TMEM267: variants seen among roughly 807,000 people sequenced by gnomAD.
The protein encoded by TMEM267 is transmembrane protein 267.
A neutral mutation model predicts 19.3 loss-of-function variants in TMEM267; 20 were observed. The ratio of observed to expected loss-of-function variants is 1.04; its 90% CI spans 0.73 to 1.51. The LOEUF is 1.51. Among genes scored for constraint, TMEM267 ranks in the 40% most tolerant of loss-of-function variants. The probability of loss-of-function intolerance (pLI) is 0.00; values close to 1 mark genes in which losing one functional copy is unlikely to be tolerated. For synonymous variants in TMEM267, 88 were observed against 90.3 expected (o/e 0.97, Z 0.15); for missense variants, 242 against 261.9 (o/e 0.92, Z 0.52).
chr5:43,459,695 CA>C, intron 1 of TMEM267, among the ~76,000 whole-genome samples: 1 of 152,136 alleles, frequency 6.6e-6, no homozygotes, highest in East Asian at 1.9e-4. Flanking sequence ...ACAACAGCAG[CA>C]AAAAATTAAG....
At chr5:43,465,336 G>A (rs1256126190) in intron 1 of TMEM267, among the ~76,000 whole-genome samples, 1 of 152,236 alleles carries the variant, frequency 6.6e-6, no homozygotes, top group East Asian at 1.9e-4. Context: ...TGGATGTGGA[G>A]AAATAGGGAC....
chr5:43,448,309 C>A (rs748070313), intron 2 of TMEM267, among the ~76,000 whole-genome samples: 8 of 152,148 alleles, frequency 5.3e-5, no homozygotes, highest in Non-Finnish European at 1.2e-4. Flanking sequence ...TTTGTCTTCA[C>A]CTTTGTTTTT....
chr5:43,482,866 G>A (rs1744873015), intron 1 of TMEM267, among the ~76,000 whole-genome samples: 1 of 152,148 alleles, frequency 6.6e-6, no homozygotes, highest in Non-Finnish European at 1.5e-5. Context: ...ACGCTATCAT[G>A]TATTGTTTGC....
At chr5:43,467,852 A>G (rs1349593338) in intron 1 of TMEM267, among the ~76,000 whole-genome samples, 4 of 152,168 alleles carry the variant, frequency 2.6e-5, no homozygotes, top group African/African-American at 9.7e-5. Context: ...CAGAAACTCA[A>G]AAGAATGCAA....
intron 1 of TMEM267, among the ~76,000 whole-genome samples, chr5:43,478,083 G>A (rs571658162): frequency 6.6e-4 from 101 of 152,274 alleles, no homozygotes; most frequent in Non-Finnish European, 1.3e-3. Flanking sequence ...CAATAGATTG[G>A]AAGAGGAACC....
chr5:43,464,515 A>G (rs1743500696), intron 1 of TMEM267, among the ~76,000 whole-genome samples: 1 of 152,296 alleles, frequency 6.6e-6, no homozygotes. Context: ...CTAAGCCAAA[A>G]GAACAAAGCC....
At chr5:43,456,761 G>A (rs958486091) in intron 1 of TMEM267, among the ~76,000 whole-genome samples, 4 of 152,228 alleles carry the variant, frequency 2.6e-5, no homozygotes, top group Non-Finnish European at 1.5e-5. Context: ...TGTTGACAAA[G>A]ATGTGGAGCA....
chr5:43,470,312 T>C (rs1159413399), intron 1 of TMEM267, among the ~76,000 whole-genome samples: 1 of 152,162 alleles, frequency 6.6e-6, no homozygotes. Flanking sequence ...CCAAACAATT[T>C]TTGTATTTTT....
At chr5:43,458,643 T>C (rs1022103400) in intron 1 of TMEM267, among the ~76,000 whole-genome samples, 3 of 152,164 alleles carry the variant, frequency 2.0e-5, no homozygotes, top group African/African-American at 7.2e-5. Flanking sequence ...TATCAAACTG[T>C]ATATTTTAAA....
chr5:43,450,301 TTTA>T (rs1394507199), intron 2 of TMEM267, among the ~76,000 whole-genome samples: 3 of 152,160 alleles, frequency 2.0e-5, no homozygotes, highest in Non-Finnish European at 4.4e-5. Flanking sequence ...CTTTGATTTT[TTTA>T]TTAATAGAAA....
chr5:43,459,639 AC>A (rs1477592985), intron 1 of TMEM267, among the ~76,000 whole-genome samples: 1 of 152,248 alleles, frequency 6.6e-6, no homozygotes, highest in Non-Finnish European at 1.5e-5. Context: ...TAAAATATTC[AC>A]ATCACAGTAA....
At position 43,483,509 on chromosome 5, in the gene TMEM267, C is replaced by G. The variant is rs1471046619; in HGVS notation, c.-75+313G>C. ...ACCCCACCCTGGGCCAGAAAAAGGC[C>G]AGGGGCGCGGAGCGTAGGCGGAGGG... is the stretch of plus-strand genomic sequence containing the variant. On this transcript the variant is annotated intron_variant, in intron 1 of 2. Coordinates refer to ENST00000397080, the MANE Select transcript of TMEM267 (RefSeq NM_022483.5). Among the ~76,000 whole-genome samples, 6 of 152,302 alleles carry G rather than the reference C, an allele frequency of 3.9e-5. 1 individual carries two copies. The highest frequency in any genetic ancestry group is 1.4e-4 in the African/African-American group (6 of 41,570).
At chr5:43,471,326 G>C (rs1744050486) in intron 1 of TMEM267, among the ~76,000 whole-genome samples, 1 of 151,940 alleles carries the variant, frequency 6.6e-6, no homozygotes, top group Non-Finnish European at 1.5e-5. Context: ...CATGTTCATG[G>C]ACTGGAGGAA....
intron 1 of TMEM267, among the ~76,000 whole-genome samples, chr5:43,474,361 A>G (rs1357135385): frequency 6.6e-6 from 1 of 152,190 alleles, no homozygotes; most frequent in Admixed American, 6.5e-5. Context: ...AATCTATCCA[A>G]CTGAAAAAGG....
In TMEM267 at chr5:43,451,549, A is replaced by T. The variant is rs898668163; in HGVS notation, c.312+2109T>A. Among the ~76,000 whole-genome samples, 6 of 152,310 alleles carry T rather than the reference A, an allele frequency of 3.9e-5. No individual in the cohort carries two copies. In the South Asian group the frequency reaches 1.2e-3, roughly 32 times the overall value. ...AAATGCAAATTAAAACCACAATGAG[A>T]TGCCATCACACACCATCAGAATGGC... On this transcript the variant is annotated intron_variant, in intron 2 of 2. Transcript: ENST00000397080.
At chr5:43,460,845 A>T (rs1743214799) in intron 1 of TMEM267, among the ~76,000 whole-genome samples, 2 of 152,210 alleles carry the variant, frequency 1.3e-5, no homozygotes, top group African/African-American at 4.8e-5. Context: ...CTCGCCACTG[A>T]GGGCTACAGT....
intron 1 of TMEM267, among the ~76,000 whole-genome samples, chr5:43,468,507 T>C (rs374347836): frequency 6.6e-6 from 1 of 151,880 alleles, no homozygotes; most frequent in Non-Finnish European, 1.5e-5. Context: ...AAAAACAGGG[T>C]TAGTAAAAGT....
intron 1 of TMEM267, among the ~76,000 whole-genome samples, chr5:43,467,285 C>G (rs1333460939): frequency 6.6e-6 from 1 of 151,646 alleles, no homozygotes; most frequent in Admixed American, 6.6e-5. Flanking sequence ...AATCAAAAGC[C>G]ATAGACTGGC....
intron 2 of TMEM267, among the ~76,000 whole-genome samples, chr5:43,448,642 G>A (rs866049293): frequency 5.9e-5 from 9 of 152,048 alleles, no homozygotes; most frequent in Middle Eastern, 3.2e-3. Flanking sequence ...TGGGCATGGT[G>A]GTGCATGCCT....
Sources: allele counts gnomAD v4.1 joint callset (sites outside exome capture counted in the v4.1 genomes callset), GRCh38; gene constraint gnomAD v4.1.1; transcripts MANE v1.5; gene names NCBI Gene and HGNC (gene_info 2026-07-23, HGNC 2026-07-21).